Variants in ETS1 observed in about 807,000 individuals in gnomAD.
ETS1 encodes the protein ETS proto-oncogene 1, transcription factor, also known as protein C-ets-1.
Under a neutral mutation model 58.6 loss-of-function variants are expected in ETS1, and 15 were observed. The observed-to-expected ratio is 0.26, with a 90% CI of 0.17 to 0.39. ETS1 has a LOEUF of 0.39. ETS1 is among the 10% of genes least tolerant of loss of function. The pLI is 1.00. For synonymous variants in ETS1, 214 were observed against 218.2 expected, an observed-to-expected ratio of 0.98 and a Z score of 0.17; for missense variants, 417 against 610.5, an observed-to-expected ratio of 0.68 and a Z score of 3.34.
At chr11:128,556,515 T>A in intron 2 of ETS1, 80 bp from the exon 3 acceptor site, 1 of 917,478 alleles carries the variant, frequency 1.1e-6, no homozygotes, top group Non-Finnish European at 1.6e-6. Flanking sequence ...GACTTCATAT[T>A]ATCCAATCAC....
intron 3 of ETS1, among the ~76,000 whole-genome samples, chr11:128,542,340 G>A (rs2135543524): frequency 6.6e-6 from 1 of 152,310 alleles, no homozygotes; most frequent in East Asian, 1.9e-4. Context: ...AGGAAAAGGG[G>A]AAGAGGGAGG....
At chr11:128,538,538 A>T (rs1033188584) in intron 3 of ETS1, among the ~76,000 whole-genome samples, 1 of 152,218 alleles carries the variant, frequency 6.6e-6, no homozygotes, top group Non-Finnish European at 1.5e-5. Context: ...TGTCACTCAC[A>T]AAGAGTGTAA....
chr11:128,562,526 C>T lies in ETS1; in HGVS notation c.70-6091G>A, dbSNP rs568498374. ...CTGCTCGTCATATGCAGTGGTGAGCCGTGGAGGAAACAGCATGGCTCTCCC... is the reference window on the plus strand; with the variant it reads ...CTGCTCGTCATATGCAGTGGTGAGCTGTGGAGGAAACAGCATGGCTCTCCC... On this transcript the variant is annotated intron_variant, in intron 2 of 9. Coordinates refer to ENST00000392668, the MANE Select transcript of ETS1 (RefSeq NM_001143820.2). Among the ~76,000 whole-genome samples, 16 of 152,260 alleles carry T rather than the reference C, an allele frequency of 1.1e-4. No homozygotes were observed. In the East Asian group the frequency reaches 1.2e-3, roughly 11 times the overall value.
At chr11:128,480,165 G>A (rs1337998889) in intron 8 of ETS1, 26 bp downstream of exon 8, 3 of 1,611,096 alleles carry the variant, frequency 1.9e-6, no homozygotes, top group South Asian at 2.2e-5. Flanking sequence ...AGATGGAGTT[G>A]GCCTAAGCAG....
intron 3 of ETS1, among the ~76,000 whole-genome samples, chr11:128,547,328 A>C (rs1237993226): frequency 6.6e-6 from 1 of 152,192 alleles, no homozygotes; most frequent in Non-Finnish European, 1.5e-5. Flanking sequence ...AATCAGAGGA[A>C]AGCTACAGAT....
chr11:128,542,324 C>T (rs1044401122), intron 3 of ETS1, among the ~76,000 whole-genome samples: 3 of 151,668 alleles, frequency 2.0e-5, no homozygotes, highest in African/African-American at 7.3e-5. Context: ...GCTAGAATGA[C>T]AGAAAAGGAA....
rs398018017 is a variant in ETS1 at position 128,569,318 on chromosome 11, C to CTTTT, written c.69+3740_69+3743dup. On this transcript the variant is annotated intron_variant, in intron 2 of 9. Coordinates refer to ENST00000392668, the MANE Select transcript of ETS1 (RefSeq NM_001143820.2). Reference sequence around the variant, plus strand: ...TACCATACATGGGACAGAGTTTCTTCTTTTTTTTTTTTTTTTTTTTTTTTG... The same window carrying CTTTT: ...TACCATACATGGGACAGAGTTTCTTCTTTTTTTTTTTTTTTTTTTTTTTTTTTTG... Among the ~76,000 whole-genome samples the CTTTT allele has an allele frequency of 4.1e-4, 16 of 39,468 alleles. 3 individuals are homozygous for CTTTT. Among genetic ancestry groups the CTTTT allele is most frequent in the East Asian group, 1.9e-3 (2 of 1,064 alleles). 25.9% of individuals were successfully genotyped at this position (39,468 alleles called of 152,430 possible). A position where few individuals can be genotyped will look rare whatever the true frequency, so the allele number is the denominator to read the frequency against.
At chr11:128,558,605 C>T (rs549887148) in intron 2 of ETS1, among the ~76,000 whole-genome samples, 4 of 136,590 alleles carry the variant, frequency 2.9e-5, no homozygotes, top group East Asian at 2.1e-4. Context: ...AGATCGAGAC[C>T]GTGCCACTGC....
chr11:128,509,986 C>A (rs1335351774), intron 3 of ETS1, among the ~76,000 whole-genome samples: 2 of 152,302 alleles, frequency 1.3e-5, no homozygotes, highest in Admixed American at 1.3e-4. Context: ...ATTAGCTTCA[C>A]TTCTCTCACT....
intron 2 of ETS1, among the ~76,000 whole-genome samples, chr11:128,569,629 C>T (rs1864586112): frequency 6.6e-6 from 1 of 152,112 alleles, no homozygotes; most frequent in Admixed American, 6.5e-5. Context: ...CTCTGTTTAT[C>T]ACAGCCCAGT....
At chr11:128,539,825 G>T (rs1864027587) in intron 3 of ETS1, among the ~76,000 whole-genome samples, 1 of 152,164 alleles carries the variant, frequency 6.6e-6, no homozygotes, top group African/African-American at 2.4e-5. Context: ...TACAACATGG[G>T]TGAAACTTGA....
intron 8 of ETS1, among the ~76,000 whole-genome samples, chr11:128,465,354 G>T (rs11606640): frequency 6.6e-6 from 1 of 152,136 alleles, no homozygotes; most frequent in African/African-American, 2.4e-5. Context: ...CACTGGTAAA[G>T]CCGTAGCTTC....
At chr11:128,470,200 G>T (rs969073611) in intron 8 of ETS1, among the ~76,000 whole-genome samples, 1 of 152,182 alleles carries the variant, frequency 6.6e-6, no homozygotes, top group African/African-American at 2.4e-5. Context: ...CCGAGTTCAT[G>T]TCTCTTGCAT....
chr11:128,497,331 G>A (rs1163776262), intron 3 of ETS1, among the ~76,000 whole-genome samples: 2 of 152,208 alleles, frequency 1.3e-5, no homozygotes, highest in Non-Finnish European at 2.9e-5. Context: ...CCAGAGGGAA[G>A]CTGCCCTAAG....
At chr11:128,483,465 A>G (rs1485222623) in intron 7 of ETS1, among the ~76,000 whole-genome samples, 1 of 152,228 alleles carries the variant, frequency 6.6e-6, no homozygotes, top group Non-Finnish European at 1.5e-5. Flanking sequence ...GACTCGCCTG[A>G]TAAAAAAGAA....
chr11:128,471,089 G>C (rs972497718), intron 8 of ETS1, among the ~76,000 whole-genome samples: 2 of 152,120 alleles, frequency 1.3e-5, no homozygotes, highest in Non-Finnish European at 2.9e-5. Flanking sequence ...GTATTGTATA[G>C]AGCTCACCTA....
chr11:128,482,177 C>T (rs899813190), intron 7 of ETS1, among the ~76,000 whole-genome samples: 5 of 152,272 alleles, frequency 3.3e-5, no homozygotes, highest in Non-Finnish European at 5.9e-5. Flanking sequence ...TTTTAGAGAT[C>T]ATTTAATTTT....
chr11:128,479,770 G>A (rs138413165), intron 8 of ETS1, among the ~76,000 whole-genome samples: 1 of 152,092 alleles, frequency 6.6e-6, no homozygotes, highest in East Asian at 1.9e-4. Flanking sequence ...AGTCCAGTGC[G>A]GAGGCCATTC....
chr11:128,488,552 G>C (rs1020859656), intron 5 of ETS1, among the ~76,000 whole-genome samples: 4 of 152,128 alleles, frequency 2.6e-5, no homozygotes, highest in Admixed American at 1.3e-4. Flanking sequence ...GTCAGCTGAA[G>C]GGCACTGCTG....
Sources: gnomAD v4.1 joint callset for allele counts (sites outside exome capture counted in the v4.1 genomes callset) on GRCh38, gnomAD v4.1.1 for gene constraint, MANE v1.5 for transcripts, NCBI Gene and HGNC (gene_info 2026-07-23, HGNC 2026-07-21) for gene names.